TRERF1: variants seen among roughly 807,000 people sequenced by gnomAD.
TRERF1 encodes the protein transcriptional-regulating factor 1.
TRERF1 carries 27 observed loss-of-function variants against 122.9 expected under a neutral mutation model. The ratio of observed to expected loss-of-function variants is 0.22; its 90% CI spans 0.16 to 0.30. The LOEUF is 0.30. Ranked by LOEUF, TRERF1 falls within the 10% of genes least tolerant of loss-of-function variation. The pLI is 1.00. For missense variants in TRERF1, 1,248 were observed against 1,560.3 expected, an observed-to-expected ratio of 0.80 and a Z score of 3.37; for synonymous variants, 636 against 641.7, an observed-to-expected ratio of 0.99 and a Z score of 0.13.
chr6:42,343,628 T>C (rs916214091), intron 3 of TRERF1, among the ~76,000 whole-genome samples: 4 of 152,180 alleles, frequency 2.6e-5, no homozygotes, highest in Non-Finnish European at 5.9e-5. Flanking sequence ...ACAGAGCGTA[T>C]GTGCACAAGC....
At chr6:42,267,888 T>C (rs1779491882) in intron 5 of TRERF1, among the ~76,000 whole-genome samples, 1 of 152,176 alleles carries the variant, frequency 6.6e-6, no homozygotes, top group Non-Finnish European at 1.5e-5. Flanking sequence ...GTCTTGACCA[T>C]TACGTGAATC....
intron 2 of TRERF1, among the ~76,000 whole-genome samples, chr6:42,430,606 C>T (rs1283642834): frequency 6.6e-6 from 1 of 150,640 alleles, no homozygotes; most frequent in African/African-American, 2.4e-5. Flanking sequence ...AAAAATTAGC[C>T]AGTCGTTGGC....
exon 16 of TRERF1, chr6:42,236,410 G>A: frequency 6.4e-7 from 1 of 1,552,250 alleles, no homozygotes; most frequent in Non-Finnish European, 8.7e-7. Flanking sequence ...TTCTTCACTT[G>A]TCTAGTGTTA....
chr6:42,316,151 C>A (rs1030513505), intron 3 of TRERF1, among the ~76,000 whole-genome samples: 4 of 152,102 alleles, frequency 2.6e-5, no homozygotes, highest in Non-Finnish European at 5.9e-5. Context: ...TCAAGAAAGT[C>A]CATGGGTCTG....
intron 3 of TRERF1, among the ~76,000 whole-genome samples, chr6:42,344,102 A>G (rs1767820618): frequency 6.6e-6 from 1 of 152,348 alleles, no homozygotes; most frequent in Middle Eastern, 3.4e-3. Flanking sequence ...AGCTGCGTTC[A>G]CCTGGAGAAA....
intron 4 of TRERF1, among the ~76,000 whole-genome samples, chr6:42,296,321 T>C (rs924356904): frequency 5.9e-5 from 9 of 152,332 alleles, no homozygotes; most frequent in Non-Finnish European, 1.3e-4. Context: ...TTACATTAGA[T>C]TTCTGCCTCC....
intron 3 of TRERF1, among the ~76,000 whole-genome samples, chr6:42,305,840 C>T (rs778212570): frequency 6.6e-6 from 1 of 152,176 alleles, no homozygotes; most frequent in African/African-American, 2.4e-5. Context: ...AGAGGAATCA[C>T]TGCAATGAGA....
intron 2 of TRERF1, among the ~76,000 whole-genome samples, chr6:42,368,056 G>A (rs1773084846): frequency 1.3e-5 from 2 of 152,048 alleles, no homozygotes; most frequent in Non-Finnish European, 2.9e-5. Flanking sequence ...ATCTGAAAGT[G>A]CAGGCAAATG....
intron 3 of TRERF1, among the ~76,000 whole-genome samples, chr6:42,345,523 C>T (rs551006975): frequency 1.3e-5 from 2 of 152,284 alleles, no homozygotes; most frequent in South Asian, 4.1e-4. Flanking sequence ...TTCAGAACTC[C>T]TCCAAAAAAG....
At chr6:42,227,348 G>A (rs1473768485) in exon 18 of TRERF1, 2 of 152,158 alleles carry the variant, frequency 1.3e-5, no homozygotes, top group South Asian at 2.1e-4. Context: ...CAGTGAATGC[G>A]GTTTCACAGT....
chr6:42,434,337 C>T (rs1335377502), intron 2 of TRERF1, among the ~76,000 whole-genome samples: 1 of 151,430 alleles, frequency 6.6e-6, no homozygotes, highest in Non-Finnish European at 1.5e-5. Flanking sequence ...CACAGGGGAT[C>T]CATATGAAGA....
intron 3 of TRERF1, among the ~76,000 whole-genome samples, chr6:42,322,519 G>A (rs567626542): frequency 9.2e-5 from 14 of 152,162 alleles, no homozygotes; most frequent in African/African-American, 2.2e-4. Flanking sequence ...AGATCAATTC[G>A]TGGGGTTGTA....
chr6:42,405,801 A>AT (rs1438616058), intron 2 of TRERF1, among the ~76,000 whole-genome samples: 15 of 150,872 alleles, frequency 9.9e-5, no homozygotes, highest in African/African-American at 2.9e-4. Context: ...TCTCAAAAAA[A>AT]AAAAAATTAA....
At chr6:42,296,433 C>T (rs1198065171) in intron 4 of TRERF1, among the ~76,000 whole-genome samples, 1 of 152,118 alleles carries the variant, frequency 6.6e-6, no homozygotes, top group Non-Finnish European at 1.5e-5. Flanking sequence ...TTATATGAAC[C>T]ACCACTGACC....
At chr6:42,229,666 CATG>C (rs1455349926) in intron 17 of TRERF1, among the ~76,000 whole-genome samples, 5 of 152,132 alleles carry the variant, frequency 3.3e-5, no homozygotes, top group African/African-American at 4.8e-5. Flanking sequence ...GCTTTGTGGC[CATG>C]ATATTATCAT....
Position 42,422,473 on chromosome 6 carries a change from G to A in TRERF1, c.-454+28704C>T, listed in dbSNP as rs190135018. On this transcript the variant is annotated intron_variant, in intron 2 of 17. Transcript: ENST00000372922. Reference sequence around the variant, plus strand: ...GCGAAGGTTGCAGTGAGCCGAGATCGTGCCTGGGCAACAGAGCCAGACCCT... The same window carrying A: ...GCGAAGGTTGCAGTGAGCCGAGATCATGCCTGGGCAACAGAGCCAGACCCT... 1.2e-4 allele frequency among the ~76,000 whole-genome samples: 17 copies of A among 146,050 alleles called. 2 individuals carry two copies. The South Asian group carries it at 2.4e-3, about 20-fold the overall frequency.
intron 2 of TRERF1, among the ~76,000 whole-genome samples, chr6:42,374,730 A>G (rs1375782630): frequency 3.3e-5 from 5 of 152,032 alleles, no homozygotes; most frequent in Non-Finnish European, 7.4e-5. Flanking sequence ...GCACCTGGCC[A>G]GGTGTGGTGG....
At chr6:42,317,956 C>T (rs915645672) in intron 3 of TRERF1, among the ~76,000 whole-genome samples, 2 of 152,138 alleles carry the variant, frequency 1.3e-5, no homozygotes, top group East Asian at 3.9e-4. Flanking sequence ...GAGTTCAAGA[C>T]CAGCCTGGCC....
chr6:42,324,126 A>G (rs1763901328), intron 3 of TRERF1, among the ~76,000 whole-genome samples: 1 of 152,190 alleles, frequency 6.6e-6, no homozygotes, highest in South Asian at 2.1e-4. Context: ...AGTGCCCAGA[A>G]AGAGCCAAAT....
Sources: gnomAD v4.1 joint callset for allele counts (sites outside exome capture counted in the v4.1 genomes callset) on GRCh38, gnomAD v4.1.1 for gene constraint, MANE v1.5 for transcripts, NCBI Gene and HGNC (gene_info 2026-07-23, HGNC 2026-07-21) for gene names.